CNTNAP5: variants seen among roughly 807,000 people sequenced by gnomAD.
The protein encoded by CNTNAP5 is contactin associated protein family member 5, also known as contactin-associated protein-like 5.
In CNTNAP5, 72 loss-of-function variants were observed where a neutral mutation model predicts 150.2. That is an observed-to-expected ratio of 0.48 (90% confidence interval 0.40 to 0.58). CNTNAP5 has a LOEUF of 0.58. CNTNAP5 is among the 20% of genes least tolerant of loss of function. The probability of loss-of-function intolerance (pLI) is 0.00; values close to 1 mark genes in which losing one functional copy is unlikely to be tolerated. For synonymous variants in CNTNAP5, 672 were observed against 619.8 expected, an observed-to-expected ratio of 1.08 and a Z score of -1.25; for missense variants, 1,636 against 1,626.2, an observed-to-expected ratio of 1.01 and a Z score of -0.10.
At chr2:124,643,481 C>T (rs1678137210) in intron 12 of CNTNAP5, among the ~76,000 whole-genome samples, 1 of 151,728 alleles carries the variant, frequency 6.6e-6, no homozygotes, top group Non-Finnish European at 1.5e-5. Flanking sequence ...TAGGGCAATT[C>T]TATAGTGGAA....
intron 18 of CNTNAP5, among the ~76,000 whole-genome samples, chr2:124,794,785 C>A (rs1321811118): frequency 6.6e-6 from 1 of 152,132 alleles, no homozygotes; most frequent in East Asian, 1.9e-4. Context: ...CTCCTATCCT[C>A]CTCCTTTATT....
intron 11 of CNTNAP5, among the ~76,000 whole-genome samples, chr2:124,588,338 C>G (rs1573478445): frequency 6.6e-6 from 1 of 151,798 alleles, no homozygotes; most frequent in East Asian, 1.9e-4. Context: ...ATGCAACTTC[C>G]AGATCCCTAT....
At chr2:124,321,494 CT>C (rs1205949570) in intron 3 of CNTNAP5, among the ~76,000 whole-genome samples, 1 of 151,756 alleles carries the variant, frequency 6.6e-6, no homozygotes, top group Non-Finnish European at 1.5e-5. Context: ...ATTAGAATTT[CT>C]TTTGCCTTGT....
intron 21 of CNTNAP5, among the ~76,000 whole-genome samples, chr2:124,895,089 T>A (rs919897393): frequency 2.0e-5 from 3 of 151,730 alleles, no homozygotes; most frequent in African/African-American, 7.3e-5. Context: ...GTTGAAATAA[T>A]GAATTCTCAA....
At chr2:124,879,852 T>C (rs1010836782) in intron 21 of CNTNAP5, among the ~76,000 whole-genome samples, 6 of 152,076 alleles carry the variant, frequency 3.9e-5, no homozygotes, top group South Asian at 2.1e-4. Context: ...AATGTCAATG[T>C]TGACAAGGTA....
At chr2:124,044,034 ATACAT>A (rs2104634782) in intron 1 of CNTNAP5, among the ~76,000 whole-genome samples, 4 of 152,284 alleles carry the variant, frequency 2.6e-5, no homozygotes, top group Admixed American at 2.6e-4. Context: ...CTTGTACAGT[ATACAT>A]TACATCTTTA....
At chr2:124,586,753 T>C (rs1696545476) in intron 11 of CNTNAP5, among the ~76,000 whole-genome samples, 1 of 152,188 alleles carries the variant, frequency 6.6e-6, no homozygotes, top group Non-Finnish European at 1.5e-5. Flanking sequence ...ATTGGGTGGA[T>C]AGATCCTTCC....
In CNTNAP5 at chr2:124,763,538, C is replaced by G. The variant is rs549920077; in HGVS notation, c.2235-134C>G. ...TCACATACACTTAGGCGATGAAAGG[C>G]CTTCTGTTTTCCCCCTCTCTGCCCC... On this transcript the variant is annotated intron_variant, in intron 14 of 23. Coordinates refer to ENST00000682447, the MANE Select transcript of CNTNAP5 (RefSeq NM_001367498.1). 4.3e-5 allele frequency: 30 copies of G among 704,696 alleles called. 1 individual carries two copies. The highest frequency in any genetic ancestry group is 2.1e-4 in the South Asian group (11 of 51,774). 43.7% of individuals were successfully genotyped at this position (704,696 alleles called of 1,614,324 possible).
intron 1 of CNTNAP5, among the ~76,000 whole-genome samples, chr2:124,172,943 A>C (rs1684970360): frequency 6.6e-6 from 1 of 152,230 alleles, no homozygotes; most frequent in South Asian, 2.1e-4. Flanking sequence ...TGAAATGAGC[A>C]ATCTATTGGC....
intron 18 of CNTNAP5, among the ~76,000 whole-genome samples, chr2:124,795,293 G>A (rs1268722388): frequency 6.6e-6 from 1 of 152,068 alleles, no homozygotes; most frequent in Non-Finnish European, 1.5e-5. Context: ...CCCCATGGAG[G>A]CTCAGAGACG....
chr2:124,439,213 T>C (rs1011818711), intron 5 of CNTNAP5, among the ~76,000 whole-genome samples: 5 of 152,106 alleles, frequency 3.3e-5, no homozygotes, highest in Non-Finnish European at 7.4e-5. Context: ...AGGTATTTCA[T>C]ACAAAGAATC....
chr2:124,320,431 T>G (rs1488980724), intron 3 of CNTNAP5, among the ~76,000 whole-genome samples: 2 of 152,170 alleles, frequency 1.3e-5, no homozygotes, highest in Non-Finnish European at 2.9e-5. Flanking sequence ...GAATAAAGTG[T>G]CTAACTGAAA....
rs944775018 is a variant in CNTNAP5, at chr2:124,758,695, A to G, written c.2235-4977A>G. The stretch of plus-strand genomic sequence containing the variant: ...TTTGGCTCTGAAGAGAAAAGAAGGG[A>G]AGTAACTAGATTGAGAGATAGGGTT... On this transcript the variant is annotated intron_variant, in intron 14 of 23. Coordinates refer to ENST00000682447, the MANE Select transcript of CNTNAP5 (RefSeq NM_001367498.1). 5.5e-4 allele frequency among the ~76,000 whole-genome samples: 84 copies of G among 152,114 alleles called. 1 individual carries two copies. The highest frequency in any genetic ancestry group is 1.8e-3 in the African/African-American group (73 of 41,506).
intron 9 of CNTNAP5, among the ~76,000 whole-genome samples, chr2:124,524,658 CT>C (rs1371494612): frequency 6.6e-6 from 1 of 152,112 alleles, no homozygotes; most frequent in Non-Finnish European, 1.5e-5. Context: ...TATAAATTAT[CT>C]AGGTCAGTGC....
At chr2:124,727,380 A>T (rs1033822555) in intron 13 of CNTNAP5, among the ~76,000 whole-genome samples, 4 of 151,996 alleles carry the variant, frequency 2.6e-5, no homozygotes, top group African/African-American at 7.2e-5. Flanking sequence ...CATTAAAATT[A>T]TGATAATGAT....
At chr2:124,913,168 C>T (rs1678689830) in intron 23 of CNTNAP5, among the ~76,000 whole-genome samples, 1 of 152,024 alleles carries the variant, frequency 6.6e-6, no homozygotes, top group Non-Finnish European at 1.5e-5. Flanking sequence ...TCAATATCTC[C>T]TCTCCTTAGA....
chr2:124,574,852 A>C (rs1193928636), intron 11 of CNTNAP5, among the ~76,000 whole-genome samples: 1 of 152,218 alleles, frequency 6.6e-6, no homozygotes, highest in Non-Finnish European at 1.5e-5. Context: ...ACATTTCCCT[A>C]GTCATTAAAA....
chr2:124,283,301 C>A (rs1688062390), intron 3 of CNTNAP5, among the ~76,000 whole-genome samples: 1 of 152,184 alleles, frequency 6.6e-6, no homozygotes, highest in South Asian at 2.1e-4. Flanking sequence ...CCTCAGGACA[C>A]ACCACAATGG....
At chr2:124,234,480 A>C (rs537270227) in intron 2 of CNTNAP5, among the ~76,000 whole-genome samples, 1 of 152,212 alleles carries the variant, frequency 6.6e-6, no homozygotes, top group Admixed American at 6.5e-5. Context: ...TTTAAATTTA[A>C]ATATTCACTA....
Sources: allele counts gnomAD v4.1 joint callset (sites outside exome capture counted in the v4.1 genomes callset), GRCh38; gene constraint gnomAD v4.1.1; transcripts MANE v1.5; gene names NCBI Gene and HGNC (gene_info 2026-07-23, HGNC 2026-07-21).